Variants in NEB observed in about 807,000 individuals in gnomAD.
NEB encodes the protein nebulin, also known as nemaline myopathy type 2.
In NEB, 512 loss-of-function variants were observed where a neutral mutation model predicts 952.2. The observed-to-expected ratio is 0.54, with a 90% CI of 0.50 to 0.58. The LOEUF is 0.58. NEB is among the 20% of genes least tolerant of loss of function. NEB has a pLI of 0.00. For missense variants in NEB, 8,428 were observed against 9,231.1 expected (o/e 0.91, Z 3.56); for synonymous variants, 2,900 against 3,149.8 (o/e 0.92, Z 2.66).
At chr2:151,682,025 C>A (rs2099417500) in intron 29 of NEB, among the ~76,000 whole-genome samples, 1 of 152,028 alleles carries the variant, frequency 6.6e-6, no homozygotes, top group African/African-American at 2.4e-5. Context: ...GTCAAAACTG[C>A]AATTACTTTT....
At chr2:151,683,029 G>C (rs191482613) in intron 28 of NEB, among the ~76,000 whole-genome samples, 147 of 152,130 alleles carry the variant, frequency 9.7e-4, no homozygotes, top group Non-Finnish European at 1.5e-3. Context: ...TTCCAACCTG[G>C]AAAATGTTCG....
Position 151,662,324 on chromosome 2 carries a change from G to A in NEB, c.5781C>T (p.Asp1927=), listed in dbSNP as rs369420467. The part of the protein sequence containing the change: ...QIQSDNQYKA[D]YADFMKGIGW... ...CAATGCCCTTCATGAAGTCAGCATA[G>A]TCAGCCTTGTACTGATTCTGCAAAA... Residue 1927 remains aspartate (D), a synonymous_variant, in exon 46 of 182, where the codon GAC becomes GAT. Coordinates refer to ENST00000397345, the MANE Select transcript of NEB (RefSeq NM_001164508.2). 8 of 1,613,152 alleles carry A rather than the reference G, an allele frequency of 5.0e-6. No individual in the cohort carries two copies. Among genetic ancestry groups the A allele is most frequent in the Non-Finnish European group, 6.8e-6 (8 of 1,179,490 alleles).
chr2:151,571,125 C>T (rs1162375975), intron 107 of NEB, among the ~76,000 whole-genome samples: 3 of 152,172 alleles, frequency 2.0e-5, no homozygotes, highest in East Asian at 1.9e-4. Flanking sequence ...CCTTCCTCAG[C>T]CTCCCGAGTA....
Position 151,549,641 on chromosome 2 carries a change from T to C in NEB, c.20044A>G (p.Ser6682Gly). 1.3e-6 allele frequency: 2 copies of C among 1,589,060 alleles called. No individual in the cohort carries two copies. Among genetic ancestry groups the C allele is most frequent in the Non-Finnish European group, 1.7e-6 (2 of 1,165,012 alleles). Residue 6682 changes from serine (S) to glycine (G), a missense_variant, in exon 130 of 182, where the codon AGT becomes GGT. Ser to Gly is a moderately conservative substitution (Grantham distance 56). Around this residue, in one of 11 missense-constraint regions of NEB, gnomAD observed 3,374 missense variants for 3,651.5 expected, o/e 0.92. Transcript: ENST00000397345. The part of the protein sequence containing the change: ...KHIKDTRYMS[S>G]YFKYKEAYEH... Reference sequence around the variant, plus strand: ...ATGAGGAGGAGACCACTCACATAACTGCTCATGTAACGGGTGTCCTTGATG... The same window carrying C: ...ATGAGGAGGAGACCACTCACATAACCGCTCATGTAACGGGTGTCCTTGATG...
intron 161 of NEB, among the ~76,000 whole-genome samples, chr2:151,512,147 CA>C (rs1302955770): frequency 2.0e-5 from 3 of 151,138 alleles, no homozygotes; most frequent in Admixed American, 2.0e-4. Context: ...TCTCCTGCCT[CA>C]GCCTCCCAAG....
At chr2:151,653,971 A>G (rs1405923419) in intron 52 of NEB, 21 bp downstream of exon 52, 3 of 1,523,922 alleles carry the variant, frequency 2.0e-6, no homozygotes, top group Non-Finnish European at 2.7e-6. Flanking sequence ...ATAGCCTTAT[A>G]GAACTCAAAC....
rs755009242 is a variant in NEB at position 151,491,745 on chromosome 2, G to A, written c.25088C>T (p.Ser8363Leu). 1.1e-5 allele frequency: 18 copies of A among 1,595,526 alleles called. No individual in the cohort carries two copies. Among genetic ancestry groups the A allele is most frequent in the African/African-American group, 2.7e-5 (2 of 74,652 alleles). Residue 8363 changes from serine (S) to leucine (L), a missense_variant, in exon 179 of 182, where the codon TCG (serine) becomes TTG (leucine). Coordinates refer to ENST00000397345, the MANE Select transcript of NEB (RefSeq NM_001164508.2). ...GLRVWRTNPG[S>L]VFDYDPAEDN... ...TTCTGCTGGATCATAGTCAAAAACC[G>A]AACCAGGATTAGTACGCCAGACACG...
chr2:151,640,179 T>A, intron 61 of NEB, 119 bp from the exon 62 acceptor site: 7 of 1,456,928 alleles, frequency 4.8e-6, no homozygotes, highest in Non-Finnish European at 4.7e-6. Context: ...GGGCCAGGTA[T>A]CACACAATAT....
chr2:151,622,821 C>T, intron 71 of NEB, among the ~76,000 whole-genome samples: 1 of 151,972 alleles, frequency 6.6e-6, no homozygotes, highest in East Asian at 1.9e-4. Context: ...ATCAAATGTC[C>T]CAATAATTTC....
intron 76 of NEB, chr2:151,615,777 C>G: frequency 2.4e-6 from 1 of 413,432 alleles, no homozygotes; most frequent in Non-Finnish European, 4.2e-6. Context: ...CCGTAAAACA[C>G]TTTTTAAAAA....
rs1406658453 is a variant in NEB, at chr2:151,533,510, G to T, written c.21349C>A (p.His7117Asn). The change falls in exon 143 of 182, where the codon CAT becomes AAT. Residue 7117 changes from histidine (H) to asparagine (N), a missense_variant. Physicochemically the swap from His to Asn is moderately conservative, Grantham distance 68 (BLOSUM62 1). Coordinates refer to ENST00000397345, the MANE Select transcript of NEB (RefSeq NM_001164508.2). The stretch of plus-strand genomic sequence containing the variant: ...GGACGCAGAATTTCATTACATCCAT[G>T]TTGCAGAAACATCTTGGCACTAGAT... ...YKSSAKMFLQ[H>N]GCNEILRPDM... 7 of 1,551,120 alleles carry T rather than the reference G, an allele frequency of 4.5e-6. No individual in the cohort carries two copies. In the Admixed American group the frequency reaches 9.8e-5, roughly 22 times the overall value.
intron 10 of NEB, among the ~76,000 whole-genome samples, chr2:151,713,067 G>A (rs1392358155): frequency 1.3e-5 from 2 of 152,084 alleles, no homozygotes; most frequent in Non-Finnish European, 2.9e-5. Flanking sequence ...GGGTAAGAGG[G>A]TGACCATGTG....
intron 164 of NEB, 129 bp from the exon 165 acceptor site, chr2:151,505,699 C>A: frequency 1.3e-6 from 1 of 747,330 alleles, no homozygotes. Flanking sequence ...AGGCTTTATA[C>A]TTAGTGTGAA....
chr2:151,503,239 A>G (rs766091796), intron 166 of NEB, 110 bp downstream of exon 166: 36 of 796,212 alleles, frequency 4.5e-5, no homozygotes, highest in Non-Finnish European at 7.3e-5. Flanking sequence ...CACAACACAC[A>G]CAGACACACA....
rs779673816 is a variant in NEB, at chr2:151,677,705, C to T, written c.3634G>A (p.Asp1212Asn). 2.2e-5 allele frequency: 36 copies of T among 1,613,720 alleles called. No individual in the cohort carries two copies. The highest frequency in any genetic ancestry group is 2.8e-5 in the Non-Finnish European group (33 of 1,179,866). The change falls in exon 34 of 182, where the codon GAC (aspartate) becomes AAC (asparagine). Residue 1212 changes from aspartate (D) to asparagine (N), a missense_variant. Around this residue, in one of 11 missense-constraint regions of NEB, gnomAD observed 2,851 missense variants for 2,791.5 expected, o/e 1.02. Transcript: ENST00000397345. ...CCGGCCTTTTTAACTTTTTCGACGTCGAGACTGCCAATAGGAATCCAGCCA... is the reference window on the plus strand; with the variant it reads ...CCGGCCTTTTTAACTTTTTCGACGTTGAGACTGCCAATAGGAATCCAGCCA... Reference protein sequence around the residue: ...GIGWIPIGSLDVEKVKKAGDA... With the variant: ...GIGWIPIGSLNVEKVKKAGDA...
At chr2:151,730,552 G>A (rs2151031565) in intron 3 of NEB, among the ~76,000 whole-genome samples, 1 of 149,732 alleles carries the variant, frequency 6.7e-6, no homozygotes, top group Non-Finnish European at 1.5e-5. Flanking sequence ...CAGAAGGAGA[G>A]GCTCGTTTAG....
chr2:151,631,594 T>C (rs2098669231), intron 65 of NEB, among the ~76,000 whole-genome samples: 1 of 152,218 alleles, frequency 6.6e-6, no homozygotes, highest in Non-Finnish European at 1.5e-5. Context: ...TTCTGTCAGT[T>C]GGTTCAGTGA....
At chr2:151,612,056 G>C (rs975650066) in intron 78 of NEB, 130 bp downstream of exon 78, 2 of 943,706 alleles carry the variant, frequency 2.1e-6, no homozygotes, top group South Asian at 3.2e-5. Flanking sequence ...CAGATGCTCT[G>C]TTAAAGGCCT....
intron 48 of NEB, 135 bp downstream of exon 48, chr2:151,657,848 A>G (rs2099103426): frequency 3.0e-6 from 2 of 660,696 alleles, no homozygotes; most frequent in Middle Eastern, 4.9e-4. Context: ...CACAAAAGCA[A>G]GGTTAAGAAG....
Sources: gnomAD v4.1 joint callset for allele counts (sites outside exome capture counted in the v4.1 genomes callset) on GRCh38, gnomAD v4.1.1 for gene constraint, gnomAD v4.1.1 regional missense constraint, MANE v1.5 for transcripts, NCBI Gene and HGNC (gene_info 2026-07-23, HGNC 2026-07-21) for gene names.